The following ANXA8 variants were observed in gnomAD, a reference collection of about 807,000 sequenced individuals.
ANXA8 encodes the protein annexin A8, also known as VAC-beta.
In ANXA8, 9 loss-of-function variants were observed where a neutral mutation model predicts 26.8. The observed-to-expected ratio is 0.34, with a 90% CI of 0.20 to 0.59. The LOEUF (loss-of-function observed/expected upper bound fraction) is 0.59, where lower values mean the gene tolerates loss of function less well. Among genes scored for constraint, ANXA8 ranks in the 20% least tolerant of loss-of-function variants. The pLI is 0.84. For synonymous variants in ANXA8, 39 were observed against 94.8 expected (o/e 0.41, Z 3.42); for missense variants, 83 against 238.5 (o/e 0.35, Z 4.29).
chr10:47,959,490 G>A, the ANXA8 span, among the ~76,000 whole-genome samples: 2,846 of 148,634 alleles, frequency 0.019, 32 homozygotes, highest in Middle Eastern at 0.042. Flanking sequence ...GGACAGCAGG[G>A]CCAACTAGGG....
At chr10:47,960,678 C>T in the ANXA8 span, among the ~76,000 whole-genome samples, 1 of 149,106 alleles carries the variant, frequency 6.7e-6, no homozygotes, top group African/African-American at 2.5e-5. Flanking sequence ...AACCATGTCA[C>T]CCGCACTCAG....
upstream of ANXA8, among the ~76,000 whole-genome samples, chr10:47,486,200 C>T (rs1197774372): frequency 2.0e-5 from 3 of 151,652 alleles, no homozygotes; most frequent in African/African-American, 7.3e-5. Flanking sequence ...AGCAGAAATG[C>T]TTATCTGATC....
the ANXA8 span, among the ~76,000 whole-genome samples, chr10:47,911,199 G>C: frequency 7.4e-6 from 1 of 135,632 alleles, no homozygotes; most frequent in Non-Finnish European, 1.6e-5. Context: ...ATTCTATAAA[G>C]ATGAAGAAAA....
At chr10:47,555,634 T>C in the ANXA8 span, among the ~76,000 whole-genome samples, 3 of 152,010 alleles carry the variant, frequency 2.0e-5, no homozygotes, top group Non-Finnish European at 4.4e-5. Flanking sequence ...CATATCCATT[T>C]GGATGTTTAA....
chr10:47,514,320 A>G, the ANXA8 span, among the ~76,000 whole-genome samples: 1 of 150,262 alleles, frequency 6.7e-6, no homozygotes, highest in Non-Finnish European at 1.5e-5. Context: ...ATTCCCAGCA[A>G]CCTGGATGGA....
chr10:47,979,536 T>C, the ANXA8 span, among the ~76,000 whole-genome samples: 1 of 151,816 alleles, frequency 6.6e-6, no homozygotes, highest in Non-Finnish European at 1.5e-5. Context: ...GAGATTACCC[T>C]GGATTGTTTG....
the ANXA8 span, among the ~76,000 whole-genome samples, chr10:47,498,259 T>C: frequency 1.3e-5 from 2 of 149,386 alleles, no homozygotes; most frequent in African/African-American, 4.8e-5. Context: ...CGTATTTGTC[T>C]TTTTCTAACT....
chr10:47,706,007 G>GT, the ANXA8 span, among the ~76,000 whole-genome samples: 1 of 149,588 alleles, frequency 6.7e-6, no homozygotes, highest in African/African-American at 2.4e-5. Context: ...GTGTTGTGGG[G>GT]GGGGAGGGGC....
At chr10:47,722,423 C>G in the ANXA8 span, among the ~76,000 whole-genome samples, 2 of 134,866 alleles carry the variant, frequency 1.5e-5, 1 homozygote, top group Non-Finnish European at 3.2e-5. Context: ...AAAACCCCAG[C>G]AGGTCAAACC....
the ANXA8 span, among the ~76,000 whole-genome samples, chr10:47,580,343 T>C: frequency 6.6e-6 from 1 of 152,264 alleles, no homozygotes; most frequent in Admixed American, 6.5e-5. Context: ...ATCTAACAAG[T>C]GCAGAATATA....
At chr10:47,565,129 G>T in the ANXA8 span, 1 of 750,956 alleles carries the variant, frequency 1.3e-6, no homozygotes, top group Non-Finnish European at 2.4e-6. Flanking sequence ...TCAACTTCCT[G>T]GGCCAGCTGC....
the ANXA8 span, among the ~76,000 whole-genome samples, chr10:47,501,126 T>G: frequency 7.0e-6 from 1 of 142,994 alleles, no homozygotes; most frequent in African/African-American, 2.6e-5. Flanking sequence ...ATGGTCTTGA[T>G]CTCCTGACCT....
At chr10:47,613,824 T>A in the ANXA8 span, among the ~76,000 whole-genome samples, 232 of 80,286 alleles carry the variant, frequency 2.9e-3, 39 homozygotes, top group African/African-American at 8.4e-3. Context: ...ACAGTAGAGC[T>A]GGTGCTTCTG....
chr10:47,701,354 A>T, the ANXA8 span, among the ~76,000 whole-genome samples: 1 of 151,806 alleles, frequency 6.6e-6, no homozygotes, highest in South Asian at 2.1e-4. Context: ...CAACCTAGCA[A>T]TCCCACTTCT....
At chr10:47,646,838 A>G in the ANXA8 span, among the ~76,000 whole-genome samples, 2 of 152,098 alleles carry the variant, frequency 1.3e-5, no homozygotes, top group African/African-American at 4.8e-5. Context: ...TTCAGAAATA[A>G]AGAAAGTAAC....
chr10:47,494,882 C>A, the ANXA8 span, among the ~76,000 whole-genome samples: 1 of 152,148 alleles, frequency 6.6e-6, no homozygotes, highest in Admixed American at 6.5e-5. Context: ...TGAGGAATGT[C>A]CTGGACCAGC....
At chr10:47,709,852 C>A in the ANXA8 span, among the ~76,000 whole-genome samples, 1 of 76,106 alleles carries the variant, frequency 1.3e-5, no homozygotes, top group African/African-American at 6.1e-5. Context: ...AAAGCAGGAT[C>A]AAATCAGACT....
chr10:47,565,239 C>A, the ANXA8 span: 4 of 591,046 alleles, frequency 6.8e-6, no homozygotes, highest in South Asian at 2.0e-5. Context: ...GCGGCCGGGG[C>A]CCCACTGCCA....
the ANXA8 span, among the ~76,000 whole-genome samples, chr10:47,631,237 A>G: frequency 2.6e-5 from 4 of 151,296 alleles, no homozygotes; most frequent in African/African-American, 4.9e-5. Flanking sequence ...GAAAGGTAGA[A>G]CATGTAATTA....
Sources: allele counts gnomAD v4.1 joint callset (sites outside exome capture counted in the v4.1 genomes callset), GRCh38; gene constraint gnomAD v4.1.1; transcripts MANE v1.5; gene names NCBI Gene and HGNC (gene_info 2026-07-23, HGNC 2026-07-21).